MAP3K2: variants seen among roughly 807,000 people sequenced by gnomAD.
MAP3K2 encodes the protein MAP/ERK kinase kinase 2.
MAP3K2 carries 24 observed loss-of-function variants against 80.3 expected under a neutral mutation model. The observed-to-expected ratio is 0.30, with a 90% CI of 0.22 to 0.42. The LOEUF (loss-of-function observed/expected upper bound fraction) is 0.42, where lower values mean the gene tolerates loss of function less well. Among genes scored for constraint, MAP3K2 ranks in the 10% least tolerant of loss-of-function variants. The probability of loss-of-function intolerance (pLI) is 1.00; values close to 1 mark genes in which losing one functional copy is unlikely to be tolerated. For missense variants in MAP3K2, 608 were observed against 750.1 expected (o/e 0.81, Z 2.21); for synonymous variants, 244 against 253.7 (o/e 0.96, Z 0.36).
intron 1 of MAP3K2, among the ~76,000 whole-genome samples, chr2:127,387,177 C>T (rs1574013976): frequency 6.6e-6 from 1 of 152,292 alleles, no homozygotes; most frequent in East Asian, 1.9e-4. Context: ...CAGATGCAAC[C>T]TTTCTTCTAA....
chr2:127,317,711 T>C lies in MAP3K2; in HGVS notation c.1244A>G (p.His415Arg), dbSNP rs746252979. Reference protein sequence around the residue: ...CEIQLLKNLLHERIVQYYGCL... With the variant: ...CEIQLLKNLLRERIVQYYGCL... ...GCCATAATACTGAACAATTCGCTCATGTAGCAAGTTTTTCAGCAACTGAAT... is the reference window on the plus strand; with the variant it reads ...GCCATAATACTGAACAATTCGCTCACGTAGCAAGTTTTTCAGCAACTGAAT... The change falls in exon 14 of 17, where the codon CAT becomes CGT. Residue 415 changes from histidine (H) to arginine (R), a missense_variant. Physicochemically the swap from His to Arg is conservative, Grantham distance 29. This residue lies in a region of MAP3K2 where 467 missense variants were observed against 521.9 expected (regional missense o/e 0.89). Coordinates refer to ENST00000682094, the MANE Select transcript of MAP3K2 (RefSeq NM_001371910.2). 4 of 1,600,802 alleles carry C rather than the reference T, an allele frequency of 2.5e-6. No individual in the cohort carries two copies. The highest frequency in any genetic ancestry group is 1.7e-5 in the Admixed American group (1 of 58,222).
chr2:127,336,110 A>AT, intron 4 of MAP3K2, 141 bp from the exon 5 acceptor site: 2 of 517,228 alleles, frequency 3.9e-6, no homozygotes, highest in Admixed American at 3.2e-5. Flanking sequence ...ACAACAGCAC[A>AT]TTTTTTAACA....
In MAP3K2 at chr2:127,342,848, C is replaced by T. The variant is rs149670749; in HGVS notation, c.4+278G>A. On this transcript the variant is annotated intron_variant, in intron 2 of 16. Transcript: ENST00000682094. The stretch of plus-strand genomic sequence containing the variant: ...ATGATAAAATTAAATTTTATGATTT[C>T]TCTCTTGCCATCAGACTTTAAGCAA... Among the ~76,000 whole-genome samples, 184 of 152,256 alleles carry T rather than the reference C, an allele frequency of 1.2e-3. 2 individuals carry two copies. In the South Asian group the frequency reaches 0.018, roughly 15 times the overall value.
At chr2:127,326,069 C>G (rs1465841970) in intron 8 of MAP3K2, among the ~76,000 whole-genome samples, 1 of 151,990 alleles carries the variant, frequency 6.6e-6, no homozygotes, top group Non-Finnish European at 1.5e-5. Flanking sequence ...TCAAAATTTC[C>G]TAAGAGAAAA....
In MAP3K2 at chr2:127,308,690, G is replaced by C; in HGVS notation, c.1529C>G (p.Thr510Ser). ...GDFGASKRLQ[T>S]ICLSGTGMKS... ...CATTCCTGTCCCTGAGAGACAGATG[G>C]TCTGAAGCCGTTTGCTGGCCCCAAA... Residue 510 changes from threonine (T) to serine (S), a missense_variant, in exon 16 of 17, where the codon ACC becomes AGC. By Grantham distance (58) the Thr-to-Ser change is moderately conservative. Transcript: ENST00000682094. 1.2e-6 allele frequency: 2 copies of C among 1,613,956 alleles called. No individual in the cohort carries two copies. Among genetic ancestry groups the C allele is most frequent in the South Asian group, 1.1e-5 (1 of 91,072 alleles).
rs114346435 is a variant in MAP3K2 at position 127,351,288 on chromosome 2, G to A, written c.-65-8094C>T. 4.1e-3 allele frequency among the ~76,000 whole-genome samples: 624 copies of A among 152,174 alleles called. 8 individuals are homozygous for A. Among genetic ancestry groups the A allele is most frequent in the African/African-American group, 0.014 (583 of 41,466 alleles). ...ATTTTGACAGTTGGATTCTGGATAT[G>A]TAGAAAAATATCCTTATTGATAGCA... On this transcript the variant is annotated intron_variant, in intron 1 of 16. Transcript: ENST00000682094.
chr2:127,313,816 AATC>A (rs1406426833), intron 15 of MAP3K2, among the ~76,000 whole-genome samples: 1 of 152,158 alleles, frequency 6.6e-6, no homozygotes, highest in Non-Finnish European at 1.5e-5. Flanking sequence ...AATGACGTGG[AATC>A]ATCATTATGT....
chr2:127,358,383 A>C (rs1686829564), intron 1 of MAP3K2, among the ~76,000 whole-genome samples: 1 of 152,212 alleles, frequency 6.6e-6, no homozygotes. Flanking sequence ...GTTTCTCACA[A>C]AACTAAACAT....
At chr2:127,373,008 A>C (rs1687092417) in intron 1 of MAP3K2, among the ~76,000 whole-genome samples, 2 of 152,190 alleles carry the variant, frequency 1.3e-5, no homozygotes, top group South Asian at 4.1e-4. Flanking sequence ...ACTGACTTAA[A>C]AGACTGCTTT....
chr2:127,319,351 G>C (rs1685969515), intron 12 of MAP3K2, among the ~76,000 whole-genome samples: 1 of 151,890 alleles, frequency 6.6e-6, no homozygotes, highest in African/African-American at 2.4e-5. Flanking sequence ...CCATCTCTGA[G>C]AACTGAGGAG....
In MAP3K2 at chr2:127,306,166, C is replaced by CTT. The variant is rs1046131386; in HGVS notation, c.*1411_*1412dup. 2 of 152,154 alleles carry CTT rather than the reference C, an allele frequency of 1.3e-5. No individual in the cohort carries two copies. The highest frequency in any genetic ancestry group is 4.8e-5 in the African/African-American group (2 of 41,440). 9.4% of individuals were successfully genotyped at this position (152,154 alleles called of 1,614,324 possible). A position where few individuals can be genotyped will look rare whatever the true frequency, so the allele number is the denominator to read the frequency against. The stretch of plus-strand genomic sequence containing the variant: ...AAAATCCTCAATTTGCATTACATCA[C>CTT]TTTCTCTTTGCGACTTCCTTTTCTT... On this transcript the variant is annotated 3_prime_UTR_variant, in exon 17 of 17. Coordinates refer to ENST00000682094, the MANE Select transcript of MAP3K2 (RefSeq NM_001371910.2). The surrounding 1 kb of genome is among the most constrained non-coding windows in gnomAD (Gnocchi z 4.7).
chr2:127,325,651 G>A lies in MAP3K2; in HGVS notation c.677+77C>T, dbSNP rs1686119438. 2.6e-5 allele frequency: 30 copies of A among 1,160,834 alleles called. 1 individual carries two copies. In the South Asian group the frequency reaches 3.6e-4, roughly 14 times the overall value. 71.9% of individuals were successfully genotyped at this position (1,160,834 alleles called of 1,614,324 possible). A position where few individuals can be genotyped will look rare whatever the true frequency, so the allele number is the denominator to read the frequency against. Reference sequence around the variant, plus strand: ...TGCAGTAAGCCGCATTCACGCCACTGCGCTCCAGCCTGGGTGACAGCAAAA... The same window carrying A: ...TGCAGTAAGCCGCATTCACGCCACTACGCTCCAGCCTGGGTGACAGCAAAA... On this transcript the variant is annotated intron_variant, in intron 9 of 16. Coordinates refer to ENST00000682094, the MANE Select transcript of MAP3K2 (RefSeq NM_001371910.2).
At chr2:127,385,500 C>T (rs1373302184) in intron 1 of MAP3K2, among the ~76,000 whole-genome samples, 1 of 152,150 alleles carries the variant, frequency 6.6e-6, no homozygotes, top group African/African-American at 2.4e-5. Context: ...GTTTATGTGA[C>T]TCACTTCTTT....
intron 1 of MAP3K2, among the ~76,000 whole-genome samples, chr2:127,351,153 G>C (rs1266027597): frequency 6.6e-6 from 1 of 152,066 alleles, no homozygotes; most frequent in African/African-American, 2.4e-5. Context: ...TTATAATCCT[G>C]ATTGAATTAT....
intron 1 of MAP3K2, among the ~76,000 whole-genome samples, chr2:127,373,367 G>C (rs1687098190): frequency 6.6e-6 from 1 of 152,118 alleles, no homozygotes; most frequent in Admixed American, 6.5e-5. Flanking sequence ...CTTGGATACA[G>C]ACTAATTTCT....
intron 1 of MAP3K2, among the ~76,000 whole-genome samples, chr2:127,346,965 C>T (rs769877793): frequency 1.3e-5 from 2 of 151,488 alleles, no homozygotes; most frequent in Non-Finnish European, 2.9e-5. Flanking sequence ...TACTCTAGCC[C>T]GCGCGACAGA....
chr2:127,388,236 G>C, upstream of MAP3K2: 1 of 863,536 alleles, frequency 1.2e-6, no homozygotes, highest in South Asian at 5.8e-5. Flanking sequence ...CGTGTGCGCG[G>C]CGCATACGCA....
intron 14 of MAP3K2, among the ~76,000 whole-genome samples, chr2:127,315,606 T>G (rs967595498): frequency 6.6e-6 from 1 of 152,174 alleles, no homozygotes; most frequent in South Asian, 2.1e-4. Context: ...CAGCACGGCT[T>G]GTTTGTTCAG....
chr2:127,324,658 C>T (rs571712630), intron 9 of MAP3K2, among the ~76,000 whole-genome samples: 3 of 152,294 alleles, frequency 2.0e-5, no homozygotes, highest in South Asian at 2.1e-4. Flanking sequence ...ATAGCTTTCT[C>T]GTTACTACTT....
Sources: gnomAD v4.1 joint callset for allele counts (sites outside exome capture counted in the v4.1 genomes callset) on GRCh38, gnomAD v4.1.1 for gene constraint, gnomAD v4.1.1 regional missense constraint, Gnocchi (gnomAD v3.1) non-coding constraint, MANE v1.5 for transcripts, NCBI Gene and HGNC (gene_info 2026-07-23, HGNC 2026-07-21) for gene names.